The following SLC35F4 variants were observed in gnomAD, a reference collection of about 807,000 sequenced individuals.
The protein encoded by SLC35F4 is chromosome 14 open reading frame 36.
Under a neutral mutation model 44.2 loss-of-function variants are expected in SLC35F4, and 24 were observed. That is an observed-to-expected ratio of 0.54 (90% confidence interval 0.39 to 0.76). The LOEUF (loss-of-function observed/expected upper bound fraction) is 0.76, where lower values mean the gene tolerates loss of function less well. Ranked by LOEUF, SLC35F4 falls within the 30% of genes least tolerant of loss-of-function variation. SLC35F4 has a pLI of 0.00. For synonymous variants in SLC35F4, 238 were observed against 223.6 expected (o/e 1.06, Z -0.57); for missense variants, 562 against 586.1 (o/e 0.96, Z 0.42).
chr14:57,645,415 CTCTGTTTG>C (rs2073457921), intron 1 of SLC35F4, among the ~76,000 whole-genome samples: 2 of 152,120 alleles, frequency 1.3e-5, no homozygotes, highest in South Asian at 4.2e-4. Flanking sequence ...TGATTTGGCT[CTCTGTTTG>C]TCTGTTATTG....
intron 4 of SLC35F4, 139 bp from the exon 5 acceptor site, chr14:57,572,158 G>T (rs1229330826): frequency 2.1e-6 from 2 of 947,712 alleles, no homozygotes; most frequent in Non-Finnish European, 3.1e-6. Context: ...ATGTAGGAAG[G>T]CTCAGTATTA....
intron 1 of SLC35F4, among the ~76,000 whole-genome samples, chr14:57,945,491 G>C (rs1360127918): frequency 4.7e-5 from 5 of 105,642 alleles, no homozygotes; most frequent in Non-Finnish European, 8.9e-5. Context: ...GTGTGTGTGT[G>C]TATCACATTT....
intron 1 of SLC35F4, among the ~76,000 whole-genome samples, chr14:57,876,580 T>C (rs1444426977): frequency 6.6e-6 from 1 of 152,184 alleles, no homozygotes; most frequent in African/African-American, 2.4e-5. Context: ...TGAAAATAAG[T>C]TACTTCTTAT....
intron 1 of SLC35F4, among the ~76,000 whole-genome samples, chr14:57,668,806 G>A (rs1390085308): frequency 5.9e-5 from 9 of 152,102 alleles, no homozygotes; most frequent in Admixed American, 2.0e-4. Flanking sequence ...TTGACTTGGC[G>A]ATGCGGGCTC....
At chr14:57,704,547 A>G (rs2140377214) in intron 1 of SLC35F4, among the ~76,000 whole-genome samples, 2 of 152,282 alleles carry the variant, frequency 1.3e-5, no homozygotes, top group East Asian at 3.9e-4. Context: ...CTGACAAGAT[A>G]TGACATGATA....
intron 1 of SLC35F4, among the ~76,000 whole-genome samples, chr14:57,684,192 T>C (rs536476438): frequency 1.8e-4 from 27 of 152,184 alleles, no homozygotes; most frequent in African/African-American, 6.0e-4. Flanking sequence ...GGGTAGGGGA[T>C]GATATTGCCA....
intron 1 of SLC35F4, among the ~76,000 whole-genome samples, chr14:57,948,205 A>G (rs1199646329): frequency 6.6e-6 from 1 of 151,988 alleles, no homozygotes; most frequent in African/African-American, 2.4e-5. Context: ...TACTGTTTCA[A>G]TCTTGCTACT....
intron 1 of SLC35F4, among the ~76,000 whole-genome samples, chr14:57,890,242 C>A (rs1253074441): frequency 6.6e-6 from 1 of 152,168 alleles, no homozygotes; most frequent in Non-Finnish European, 1.5e-5. Flanking sequence ...CCACTCACAT[C>A]CTGGAGACAA....
At chr14:57,829,400 C>T (rs1566887596) in intron 1 of SLC35F4, among the ~76,000 whole-genome samples, 3 of 152,210 alleles carry the variant, frequency 2.0e-5, no homozygotes, top group Admixed American at 2.0e-4. Context: ...AAACAGGTGC[C>T]CTGCTGTCAT....
rs145769793 is a variant in SLC35F4, at chr14:57,580,905, C to T, written c.807+309G>A. On this transcript the variant is annotated intron_variant, in intron 4 of 7. Transcript: ENST00000556826. The stretch of plus-strand genomic sequence containing the variant: ...GCTAATTTTCTCAGACCCTTCGTTC[C>T]TGAGGACAGAAGGAGGTGAACACAC... 1.5e-3 allele frequency: 337 copies of T among 222,972 alleles called. 1 individual carries two copies. Among genetic ancestry groups the T allele is most frequent in the African/African-American group, 7.1e-3 (314 of 43,960 alleles). The allele number at this position is 222,972 out of a possible 1,614,324, so 13.8% of individuals were successfully genotyped here.
chr14:57,933,715 T>C (rs1012418518), intron 1 of SLC35F4, among the ~76,000 whole-genome samples: 2 of 152,028 alleles, frequency 1.3e-5, no homozygotes, highest in Non-Finnish European at 2.9e-5. Flanking sequence ...CAAAATGAAA[T>C]AGAACCAAAT....
intron 1 of SLC35F4, among the ~76,000 whole-genome samples, chr14:57,811,805 C>A (rs1363933151): frequency 1.3e-5 from 2 of 152,018 alleles, no homozygotes; most frequent in Admixed American, 6.6e-5. Flanking sequence ...CATAGTGAGA[C>A]CCTGTTTTTA....
intron 1 of SLC35F4, among the ~76,000 whole-genome samples, chr14:57,793,285 G>C (rs996675741): frequency 2.6e-5 from 4 of 151,580 alleles, no homozygotes; most frequent in African/African-American, 9.7e-5. Context: ...GGGTACAAGT[G>C]GTTTTTGGTT....
intron 1 of SLC35F4, among the ~76,000 whole-genome samples, chr14:57,920,634 G>A (rs1359913667): frequency 1.3e-5 from 2 of 152,180 alleles, no homozygotes; most frequent in African/African-American, 2.4e-5. Flanking sequence ...GAAGCCTTTG[G>A]CGGACTCTGT....
chr14:57,762,336 T>C (rs1437480139), intron 1 of SLC35F4, among the ~76,000 whole-genome samples: 5 of 152,126 alleles, frequency 3.3e-5, no homozygotes, highest in African/African-American at 1.2e-4. Context: ...TTGAAAAAAT[T>C]GTACAAGACT....
chr14:57,816,062 C>A (rs183696321), intron 1 of SLC35F4, among the ~76,000 whole-genome samples: 2 of 152,096 alleles, frequency 1.3e-5, no homozygotes, highest in African/African-American at 4.8e-5. Flanking sequence ...TCATTTTACC[C>A]AGCAACATTG....
At chr14:57,635,245 CAAAA>C (rs201670634) in intron 1 of SLC35F4, among the ~76,000 whole-genome samples, 2 of 116,040 alleles carry the variant, frequency 1.7e-5, no homozygotes, top group South Asian at 5.7e-4. Flanking sequence ...GACTCTTACT[CAAAA>C]AAAAAAAAAA....
At chr14:57,780,539 T>C (rs992881206) in intron 1 of SLC35F4, among the ~76,000 whole-genome samples, 12 of 152,176 alleles carry the variant, frequency 7.9e-5, no homozygotes, top group African/African-American at 2.9e-4. Context: ...TTCAGTGTTG[T>C]TCCTATCAAA....
At chr14:57,931,240 A>G (rs1889691148) in intron 1 of SLC35F4, among the ~76,000 whole-genome samples, 1 of 152,182 alleles carries the variant, frequency 6.6e-6, no homozygotes, top group Non-Finnish European at 1.5e-5. Context: ...ATGGATGGCC[A>G]CTTGACACCT....
Sources: gnomAD v4.1 joint callset for allele counts (sites outside exome capture counted in the v4.1 genomes callset) on GRCh38, gnomAD v4.1.1 for gene constraint, MANE v1.5 for transcripts, NCBI Gene and HGNC (gene_info 2026-07-23, HGNC 2026-07-21) for gene names.